The following TLE3 variants were observed in gnomAD, a reference collection of about 807,000 sequenced individuals.
TLE3 encodes the protein TLE family member 3, transcriptional corepressor, also known as transducin-like enhancer protein 3.
TLE3 carries 14 observed loss-of-function variants against 93.0 expected under a neutral mutation model. The ratio of observed to expected loss-of-function variants is 0.15; its 90% CI spans 0.10 to 0.24. TLE3 has a LOEUF of 0.24. TLE3 is among the 10% of genes least tolerant of loss of function. TLE3 has a pLI of 1.00. For synonymous variants in TLE3, 451 were observed against 425.0 expected (o/e 1.06, Z -0.75); for missense variants, 693 against 1,046.6 (o/e 0.66, Z 4.66).
Position 70,048,072 on chromosome 15 carries a change from A to G in TLE3, c.*2025T>C, listed in dbSNP as rs1375919683. On this transcript the variant is annotated 3_prime_UTR_variant, in exon 20 of 20. Transcript: ENST00000451782. Reference sequence around the variant, plus strand: ...GAATGCTGTGAGATGAGAAGAGCTCACATCGATGGGAAATGGCCCTGGCCC... The same window carrying G: ...GAATGCTGTGAGATGAGAAGAGCTCGCATCGATGGGAAATGGCCCTGGCCC... 3 of 147,178 alleles carry G rather than the reference A, an allele frequency of 2.0e-5. No homozygotes were observed. Among genetic ancestry groups the G allele is most frequent in the African/African-American group, 7.6e-5 (3 of 39,504 alleles). 9.1% of individuals were successfully genotyped at this position (147,178 alleles called of 1,614,324 possible).
chr15:70,082,633 T>A (rs1241111051), intron 4 of TLE3, among the ~76,000 whole-genome samples: 1 of 152,214 alleles, frequency 6.6e-6, no homozygotes, highest in East Asian at 1.9e-4. Flanking sequence ...GGAAGCCTGC[T>A]GAATTCTTTA....
At chr15:70,088,094 C>T (rs1275971187) in intron 4 of TLE3, among the ~76,000 whole-genome samples, 2 of 152,234 alleles carry the variant, frequency 1.3e-5, no homozygotes, top group Non-Finnish European at 2.9e-5. Context: ...CTCCAGCCCT[C>T]CCCCAAAAGG....
At chr15:70,094,681 T>A (rs766511646) in intron 3 of TLE3, 105 bp from the exon 4 acceptor site, 19 of 833,204 alleles carry the variant, frequency 2.3e-5, no homozygotes, top group Non-Finnish European at 3.4e-5. Context: ...ACTTTTACGA[T>A]ACATTTGCTA....
chr15:70,094,908 G>C (rs574776780), intron 3 of TLE3: 2 of 265,640 alleles, frequency 7.5e-6, no homozygotes, highest in Non-Finnish European at 1.4e-5. Flanking sequence ...CTTGTCCTCT[G>C]AGAGTTATTT....
rs149963192 is a variant in TLE3, at chr15:70,094,214, G to A, written c.234+318C>T. Among the ~76,000 whole-genome samples, 158 of 151,688 alleles carry A rather than the reference G, an allele frequency of 1.0e-3. 1 individual carries two copies. The highest frequency in any genetic ancestry group is 3.5e-3 in the African/African-American group (145 of 41,304). On this transcript the variant is annotated intron_variant, in intron 4 of 19. Coordinates refer to ENST00000451782, the MANE Select transcript of TLE3 (RefSeq NM_001105192.3). Reference sequence around the variant, plus strand: ...TTTTACATTAAAACAGATAAAAGCAGCCAGCCACCTCTGGGCTTTCAGGAG... The same window carrying A: ...TTTTACATTAAAACAGATAAAAGCAACCAGCCACCTCTGGGCTTTCAGGAG...
intron 14 of TLE3, 78 bp downstream of exon 14, chr15:70,056,220 G>C (rs2056011568): frequency 6.9e-7 from 1 of 1,447,110 alleles, no homozygotes; most frequent in South Asian, 1.1e-5. Flanking sequence ...GGGGATGAGG[G>C]GCGTTGTTGG....
At chr15:70,087,961 GC>G (rs2058109176) in intron 4 of TLE3, among the ~76,000 whole-genome samples, 2 of 152,122 alleles carry the variant, frequency 1.3e-5, no homozygotes, top group Admixed American at 1.3e-4. Context: ...ACAAGTCCTT[GC>G]CCCACCCACC....
At chr15:70,065,280 AG>A (rs1436460031) in intron 7 of TLE3, among the ~76,000 whole-genome samples, 3 of 152,360 alleles carry the variant, frequency 2.0e-5, no homozygotes, top group East Asian at 3.9e-4. Context: ...AGGGCCTCCC[AG>A]GGAGCCAGGC....
chr15:70,091,963 C>T (rs1331150456), intron 4 of TLE3, among the ~76,000 whole-genome samples: 1 of 151,916 alleles, frequency 6.6e-6, no homozygotes, highest in South Asian at 2.1e-4. Context: ...AAAGTACAGA[C>T]AGTCCCCACC....
intron 4 of TLE3, among the ~76,000 whole-genome samples, chr15:70,080,846 C>T (rs1025898857): frequency 3.3e-5 from 5 of 152,188 alleles, no homozygotes; most frequent in Non-Finnish European, 5.9e-5. Flanking sequence ...TCTGTACCCC[C>T]CAGCAACCTC....
At chr15:70,081,430 T>C (rs2057773134) in intron 4 of TLE3, among the ~76,000 whole-genome samples, 2 of 152,266 alleles carry the variant, frequency 1.3e-5, no homozygotes, top group Admixed American at 6.5e-5. Flanking sequence ...AGGACCAGTC[T>C]TCAGAGCACG....
At chr15:70,057,852 CT>C in intron 12 of TLE3, 194 bp from the exon 13 acceptor site, 1 of 752,804 alleles carries the variant, frequency 1.3e-6, no homozygotes, top group Non-Finnish European at 2.1e-6. Flanking sequence ...GCACCCACCT[CT>C]TTTTACAGAG....
intron 4 of TLE3, among the ~76,000 whole-genome samples, chr15:70,089,673 C>T (rs6494842): frequency 0.87 from 132,369 of 152,232 alleles, 58,830 homozygotes; most frequent in Non-Finnish European, 0.96. Context: ...AAAAATGAGA[C>T]GAGGAATGAG....
intron 4 of TLE3, among the ~76,000 whole-genome samples, chr15:70,077,991 A>G (rs1352607264): frequency 6.6e-6 from 1 of 152,218 alleles, no homozygotes; most frequent in Non-Finnish European, 1.5e-5. Context: ...ACACCATGCT[A>G]TTGACATCTG....
At chr15:70,067,940 T>A (rs1182816813) in intron 6 of TLE3, among the ~76,000 whole-genome samples, 2 of 152,104 alleles carry the variant, frequency 1.3e-5, no homozygotes, top group Admixed American at 6.5e-5. Context: ...TGACCCCACA[T>A]CTGCACTGAG....
intron 5 of TLE3, among the ~76,000 whole-genome samples, chr15:70,075,446 T>C (rs1160657782): frequency 6.6e-6 from 1 of 152,230 alleles, no homozygotes; most frequent in Non-Finnish European, 1.5e-5. Flanking sequence ...CTGATTCTTA[T>C]ATATTAATTC....
At chr15:70,051,849 C>A (rs1381289696) in intron 18 of TLE3, among the ~76,000 whole-genome samples, 1 of 152,148 alleles carries the variant, frequency 6.6e-6, no homozygotes, top group Non-Finnish European at 1.5e-5. Flanking sequence ...CTGAAGACAG[C>A]AGTCAGTGGG....
rs578224352 is a variant in TLE3 at position 70,084,584 on chromosome 15, C to T, written c.235-8426G>A. Among the ~76,000 whole-genome samples, 5 of 152,260 alleles carry T rather than the reference C, an allele frequency of 3.3e-5. No individual in the cohort carries two copies. In the South Asian group the frequency reaches 1.0e-3, roughly 32 times the overall value. On this transcript the variant is annotated intron_variant, in intron 4 of 19. Transcript: ENST00000451782. The stretch of plus-strand genomic sequence containing the variant: ...CACAGAAGACCTCATCTTGATATAG[C>T]CTATGGATAAAGATCACTGAGGTCC...
At chr15:70,051,341 G>A in intron 19 of TLE3, 50 bp downstream of exon 19, 1 of 1,542,402 alleles carries the variant, frequency 6.5e-7, no homozygotes, top group African/African-American at 1.4e-5. Context: ...CCATCACCAA[G>A]TTTCAACTCT....
Sources: gnomAD v4.1 joint callset for allele counts (sites outside exome capture counted in the v4.1 genomes callset) on GRCh38, gnomAD v4.1.1 for gene constraint, MANE v1.5 for transcripts, NCBI Gene and HGNC (gene_info 2026-07-23, HGNC 2026-07-21) for gene names.